NPEPL1: variants seen among roughly 807,000 people sequenced by gnomAD.
NPEPL1 encodes the protein aminopeptidase like 1, also known as probable aminopeptidase NPEPL1.
A neutral mutation model predicts 52.4 loss-of-function variants in NPEPL1; 45 were observed. That is an observed-to-expected ratio of 0.86 (90% CI 0.68 to 1.10). The LOEUF is 1.10. Ranked by LOEUF, NPEPL1 falls within the 50% of genes least tolerant of loss-of-function variation. The pLI is 0.00. For missense variants in NPEPL1, 696 were observed against 710.9 expected, an observed-to-expected ratio of 0.98 and a Z score of 0.24; for synonymous variants, 360 against 314.7, an observed-to-expected ratio of 1.14 and a Z score of -1.52.
At chr20:58,706,208 G>A (rs1173417038) in intron 6 of NPEPL1, among the ~76,000 whole-genome samples, 1 of 152,090 alleles carries the variant, frequency 6.6e-6, no homozygotes, top group Non-Finnish European at 1.5e-5. Context: ...GGTTAACCAG[G>A]AGGTGTGAAC....
At chr20:58,701,987 C>A (rs764788069) in intron 6 of NPEPL1, among the ~76,000 whole-genome samples, 3 of 152,190 alleles carry the variant, frequency 2.0e-5, no homozygotes, top group Admixed American at 6.5e-5. Flanking sequence ...TCCTACACAC[C>A]GTGTGAGCAG....
chr20:58,696,698 G>A (rs566712434), intron 3 of NPEPL1, among the ~76,000 whole-genome samples: 2 of 152,356 alleles, frequency 1.3e-5, no homozygotes, highest in South Asian at 4.1e-4. Flanking sequence ...TGCGTCACTC[G>A]CCTTCCAAAG....
chr20:58,706,427 C>G (rs758174212), intron 6 of NPEPL1, among the ~76,000 whole-genome samples: 5 of 152,186 alleles, frequency 3.3e-5, no homozygotes, highest in Non-Finnish European at 5.9e-5. Context: ...GAGCCTAAGT[C>G]TCGTTAGGTG....
chr20:58,709,735 A>G (rs2084799886), intron 7 of NPEPL1, among the ~76,000 whole-genome samples: 1 of 152,264 alleles, frequency 6.6e-6, no homozygotes, highest in Admixed American at 6.5e-5. Context: ...CCAAAAATGC[A>G]TGGCCTGCCT....
At chr20:58,714,194 C>T in intron 10 of NPEPL1, 101 bp downstream of exon 10, 1 of 1,366,694 alleles carries the variant, frequency 7.3e-7, no homozygotes, top group Non-Finnish European at 9.7e-7. Flanking sequence ...GCTGGGGCCC[C>T]CCAGAAGCAG....
rs180975298 is a variant in NPEPL1, at chr20:58,697,840, A to G, written c.508-844A>G. Reference sequence around the variant, plus strand: ...GAATGGCCCAAGCCAGGGCTGAAGGACACATTTTTGGGACCCACGTGATGT... The same window carrying G: ...GAATGGCCCAAGCCAGGGCTGAAGGGCACATTTTTGGGACCCACGTGATGT... On this transcript the variant is annotated intron_variant, in intron 3 of 11. Transcript: ENST00000356091. Among the ~76,000 whole-genome samples the G allele has an allele frequency of 3.7e-3, 569 of 152,330 alleles. 3 individuals are homozygous for G. The highest frequency in any genetic ancestry group is 4.8e-3 in the Non-Finnish European group (326 of 68,030).
At position 58,713,536 on chromosome 20, in the gene NPEPL1, G is replaced by A. The variant is rs760421066; in HGVS notation, c.1118G>A (p.Gly373Glu). 3 of 1,604,140 alleles carry A rather than the reference G, an allele frequency of 1.9e-6. No individual in the cohort carries two copies. Among genetic ancestry groups the A allele is most frequent in the Non-Finnish European group, 2.6e-6 (3 of 1,174,412 alleles). ...ATCCTGGACATGGCCACCCTGACCG[G>A]GGCTCAGGTGAGTGCTCCCTGGATC... ...DIILDMATLTGAQGIATGKYH... is the reference protein window; with the variant it reads ...DIILDMATLTEAQGIATGKYH... The change falls in exon 9 of 12, where the codon GGG becomes GAG. Residue 373 changes from glycine to glutamate, a missense_variant. Gly to Glu is a moderately conservative substitution (Grantham distance 98, BLOSUM62 -2). Coordinates refer to ENST00000356091, the MANE Select transcript of NPEPL1 (RefSeq NM_024663.4). The surrounding 1 kb of genome is among the most constrained non-coding windows in gnomAD (Gnocchi z 4.6).
At chr20:58,702,959 T>TC (rs1450787959) in intron 6 of NPEPL1, among the ~76,000 whole-genome samples, 1 of 152,208 alleles carries the variant, frequency 6.6e-6, no homozygotes, top group Non-Finnish European at 1.5e-5. Flanking sequence ...ACACAGTAAC[T>TC]CCAAGTGTTC....
At chr20:58,697,170 G>A (rs748080299) in intron 3 of NPEPL1, among the ~76,000 whole-genome samples, 4 of 152,230 alleles carry the variant, frequency 2.6e-5, no homozygotes, top group South Asian at 2.1e-4. Context: ...CATGTGGACA[G>A]AATGAGTGGT....
Position 58,714,041 on chromosome 20 carries a change from T to C in NPEPL1, c.1250T>C (p.Leu417Pro). The C allele has an allele frequency of 6.5e-7, 1 of 1,541,820 alleles. No homozygotes were observed. The highest frequency in any genetic ancestry group is 8.7e-7 in the Non-Finnish European group (1 of 1,145,150). The change falls in exon 10 of 12, where the codon CTG (leucine) becomes CCG (proline). Residue 417 changes from leucine (L) to proline (P), a missense_variant. By Grantham distance (98) the Leu-to-Pro change is moderately conservative. Coordinates refer to ENST00000356091, the MANE Select transcript of NPEPL1 (RefSeq NM_024663.4). ...LVHPLVYCPE[L>P]HFSEFTSAVA... is the part of the protein sequence containing the mutation. ...CACCCGCTGGTCTACTGCCCCGAGC[T>C]GCACTTCAGCGAGTTCACCTCAGCT...
intron 1 of NPEPL1, 27 bp from the exon 2 acceptor site, chr20:58,693,710 G>C (rs374675027): frequency 1.9e-6 from 3 of 1,581,182 alleles, no homozygotes; most frequent in African/African-American, 2.7e-5. Flanking sequence ...TGAAGCCTCT[G>C]TGTCTTGTCT....
chr20:58,692,487 C>T (rs1411745290), upstream of NPEPL1: 1 of 152,188 alleles, frequency 6.6e-6, no homozygotes, highest in African/African-American at 2.4e-5. The surrounding 1 kb of genome is among the most constrained non-coding windows in gnomAD (Gnocchi z 5.7). Context: ...GGAACTGCGT[C>T]GGGTGGGCTT....
At chr20:58,707,885 C>G (rs545562373) in intron 7 of NPEPL1, among the ~76,000 whole-genome samples, 5 of 152,280 alleles carry the variant, frequency 3.3e-5, no homozygotes, top group Admixed American at 6.5e-5. Flanking sequence ...TCAAGACTAC[C>G]CATAGCAACC....
intron 7 of NPEPL1, 133 bp downstream of exon 7, chr20:58,707,333 C>T (rs1024808254): frequency 1.7e-5 from 14 of 836,440 alleles, no homozygotes; most frequent in South Asian, 3.6e-5. Context: ...GCTTGTCCCC[C>T]CTCTGCCCCC....
chr20:58,713,953 A>G lies in NPEPL1; in HGVS notation c.1162A>G (p.Thr388Ala). ...ATGKYHAAVLTNSAEWEAACV... is the reference protein window; with the variant it reads ...ATGKYHAAVLANSAEWEAACV... ...AGGGAAGTACCACGCCGCGGTGCTC[A>G]CCAACAGCGCTGAGTGGGAGGCCGC... is the stretch of plus-strand genomic sequence containing the variant. The change falls in exon 10 of 12, where the codon ACC (threonine) becomes GCC (alanine). Residue 388 changes from threonine (T) to alanine (A), a missense_variant. Coordinates refer to ENST00000356091, the MANE Select transcript of NPEPL1 (RefSeq NM_024663.4). The surrounding 1 kb of genome is among the most constrained non-coding windows in gnomAD (Gnocchi z 4.6). 2.0e-6 allele frequency: 3 copies of G among 1,511,700 alleles called. No individual in the cohort carries two copies. Among genetic ancestry groups the G allele is most frequent in the Non-Finnish European group, 2.6e-6 (3 of 1,134,058 alleles). 93.6% of individuals were successfully genotyped at this position (1,511,700 alleles called of 1,614,324 possible).
At position 58,694,382 on chromosome 20, in the gene NPEPL1, G is replaced by A. The variant is rs772120442; in HGVS notation, c.337-40G>A. On this transcript the variant is annotated intron_variant, in intron 2 of 11. Coordinates refer to ENST00000356091, the MANE Select transcript of NPEPL1 (RefSeq NM_024663.4). ...GCAGCTCCCTGCACTCCCTGGTGGCGGCCCTTGCACCCCTCACGCCGTCTC... is the reference window on the plus strand; with the variant it reads ...GCAGCTCCCTGCACTCCCTGGTGGCAGCCCTTGCACCCCTCACGCCGTCTC... 21 of 1,551,976 alleles carry A rather than the reference G, an allele frequency of 1.4e-5. No homozygotes were observed. The Admixed American group carries it at 3.9e-4, about 29-fold the overall frequency.
At chr20:58,692,679 C>T (rs2084375787), upstream of NPEPL1, 1 of 367,590 alleles carries the variant, frequency 2.7e-6, no homozygotes, top group Non-Finnish European at 3.7e-6. This position sits in a 1 kb window ranked among gnomAD's most constrained non-coding sequence, Gnocchi z 5.7. Context: ...CCTGCCCGGC[C>T]GGGCCTGCCC....
At chr20:58,689,306 A>T (rs112580701), upstream of NPEPL1, 1 of 151,824 alleles carries the variant, frequency 6.6e-6, no homozygotes. Flanking sequence ...TGTCCTGCAG[A>T]TTGGAGTGCA....
Position 58,693,011 on chromosome 20 carries a change from C to T in NPEPL1, c.111C>T (p.Ser37=). 9.0e-7 allele frequency: 1 copy of T among 1,116,040 alleles called. No homozygotes were observed. Among genetic ancestry groups the T allele is most frequent in the Non-Finnish European group, 1.1e-6 (1 of 902,458 alleles). 69.1% of individuals were successfully genotyped at this position (1,116,040 alleles called of 1,614,324 possible). Residue 37 remains serine (S), a synonymous_variant, in exon 1 of 12, where the codon AGC becomes AGT. Transcript: ENST00000356091. ...QLHHLHRVPW[S]HVRGKLQPRV... ...ACCACCTGCACCGCGTGCCCTGGAG[C>T]CACGTCCGCGGGAAGCTGCAGCCCC...
Sources: gnomAD v4.1 joint callset for allele counts (sites outside exome capture counted in the v4.1 genomes callset) on GRCh38, gnomAD v4.1.1 for gene constraint, Gnocchi (gnomAD v3.1) non-coding constraint, MANE v1.5 for transcripts, NCBI Gene and HGNC (gene_info 2026-07-23, HGNC 2026-07-21) for gene names.